DOCK3: variants seen among roughly 807,000 people sequenced by gnomAD.
The protein encoded by DOCK3 is dedicator of cytokinesis protein 3.
DOCK3 carries 60 observed loss-of-function variants against 265.6 expected under a neutral mutation model. The observed-to-expected ratio is 0.23, with a 90% CI of 0.18 to 0.28. DOCK3 has a LOEUF of 0.28. Among genes scored for constraint, DOCK3 ranks in the 10% least tolerant of loss-of-function variants. The probability of loss-of-function intolerance (pLI) is 1.00; values close to 1 mark genes in which losing one functional copy is unlikely to be tolerated. For synonymous variants in DOCK3, 881 were observed against 938.0 expected, an observed-to-expected ratio of 0.94 and a Z score of 1.11; for missense variants, 1,981 against 2,594.3, an observed-to-expected ratio of 0.76 and a Z score of 5.14.
At chr3:51,226,170 G>T (rs1327181620) in intron 15 of DOCK3, among the ~76,000 whole-genome samples, 1 of 152,192 alleles carries the variant, frequency 6.6e-6, no homozygotes, top group Non-Finnish European at 1.5e-5. Flanking sequence ...GTCAAGTGTG[G>T]AACTTAGACA....
At chr3:51,129,388 C>T (rs2084408776) in intron 9 of DOCK3, among the ~76,000 whole-genome samples, 1 of 152,198 alleles carries the variant, frequency 6.6e-6, no homozygotes, top group Non-Finnish European at 1.5e-5. Context: ...CCCCATGAGG[C>T]CATCAGTGCA....
At chr3:51,209,570 C>T (rs957731401) in intron 13 of DOCK3, among the ~76,000 whole-genome samples, 8 of 152,208 alleles carry the variant, frequency 5.3e-5, no homozygotes, top group Non-Finnish European at 8.8e-5. Flanking sequence ...CCAGGTTACT[C>T]CTGACAGTTT....
chr3:51,350,511 A>G, intron 40 of DOCK3, 119 bp downstream of exon 40: 1 of 1,097,600 alleles, frequency 9.1e-7, no homozygotes. Flanking sequence ...CAGAGGATAA[A>G]CCAGTTAACA....
chr3:51,075,578 GC>G, intron 7 of DOCK3, 138 bp downstream of exon 7: 1 of 655,338 alleles, frequency 1.5e-6, no homozygotes, highest in Non-Finnish European at 2.6e-6. Context: ...TGATATTCTG[GC>G]CATATCTGTC....
At chr3:50,962,347 G>A (rs907150068) in intron 5 of DOCK3, among the ~76,000 whole-genome samples, 11 of 152,124 alleles carry the variant, frequency 7.2e-5, no homozygotes, top group Non-Finnish European at 1.2e-4. Flanking sequence ...TATCTAAAGG[G>A]CTGTTATTTA....
At chr3:51,126,709 G>A (rs1359241202) in intron 9 of DOCK3, among the ~76,000 whole-genome samples, 1 of 152,130 alleles carries the variant, frequency 6.6e-6, no homozygotes, top group Non-Finnish European at 1.5e-5. Context: ...GAAAACAACT[G>A]TTTGTAGCTC....
intron 3 of DOCK3, among the ~76,000 whole-genome samples, chr3:50,884,049 T>C (rs560203817): frequency 2.6e-5 from 4 of 152,142 alleles, no homozygotes; most frequent in African/African-American, 9.7e-5. Flanking sequence ...GTACGTTCCT[T>C]TTTATGGCTG....
At chr3:50,749,739 G>A (rs988535681) in intron 1 of DOCK3, among the ~76,000 whole-genome samples, 3 of 152,108 alleles carry the variant, frequency 2.0e-5, no homozygotes, top group South Asian at 4.2e-4. Flanking sequence ...AGTTAATTTG[G>A]TATATTTACT....
At chr3:50,773,038 A>C (rs2041371230) in intron 1 of DOCK3, among the ~76,000 whole-genome samples, 4 of 152,202 alleles carry the variant, frequency 2.6e-5, no homozygotes, top group Admixed American at 2.6e-4. Context: ...TCTTCAAAAT[A>C]TACAATAAAG....
chr3:50,988,345 C>CA (rs1231551616), intron 5 of DOCK3, among the ~76,000 whole-genome samples: 3 of 152,198 alleles, frequency 2.0e-5, no homozygotes, highest in Non-Finnish European at 4.4e-5. Flanking sequence ...ACCACCCCCC[C>CA]ACAACCCCTG....
At chr3:51,092,914 G>A (rs945796247) in intron 9 of DOCK3, among the ~76,000 whole-genome samples, 4 of 152,118 alleles carry the variant, frequency 2.6e-5, no homozygotes, top group East Asian at 3.9e-4. Flanking sequence ...CAGTTTTCCC[G>A]ACACCATTTA....
At chr3:51,141,842 G>A (rs1314779846) in intron 9 of DOCK3, among the ~76,000 whole-genome samples, 1 of 152,040 alleles carries the variant, frequency 6.6e-6, no homozygotes, top group Non-Finnish European at 1.5e-5. Flanking sequence ...GAAGACAATT[G>A]TCTTGACTCT....
intron 5 of DOCK3, among the ~76,000 whole-genome samples, chr3:50,942,735 C>CA (rs2076328298): frequency 6.9e-6 from 1 of 145,552 alleles, no homozygotes; most frequent in Non-Finnish European, 1.6e-5. Flanking sequence ...AAAGGAGAAG[C>CA]AATTTTTTTT....
chr3:51,350,048 G>A (rs976922493), intron 39 of DOCK3, among the ~76,000 whole-genome samples: 7 of 152,194 alleles, frequency 4.6e-5, no homozygotes, highest in Admixed American at 3.3e-4. Flanking sequence ...GCAGCTGCAC[G>A]TGGCTGCAGT....
intron 5 of DOCK3, among the ~76,000 whole-genome samples, chr3:51,057,092 C>T (rs749250838): frequency 4.1e-4 from 63 of 152,332 alleles, no homozygotes; most frequent in Admixed American, 5.9e-4. Flanking sequence ...TGCTCATTTA[C>T]TGACTTAGAG....
chr3:51,221,879 C>T (rs896508920), intron 14 of DOCK3, among the ~76,000 whole-genome samples: 11 of 152,302 alleles, frequency 7.2e-5, no homozygotes, highest in African/African-American at 2.4e-4. Flanking sequence ...AAGACTCACC[C>T]TCTCAGCACA....
intron 5 of DOCK3, among the ~76,000 whole-genome samples, chr3:51,060,898 A>G (rs891806051): frequency 1.6e-4 from 25 of 152,208 alleles, no homozygotes; most frequent in Non-Finnish European, 3.2e-4. Context: ...ACAAGTGGGC[A>G]AAGGATATGA....
intron 4 of DOCK3, among the ~76,000 whole-genome samples, chr3:50,918,884 A>G (rs1244501475): frequency 6.6e-6 from 1 of 152,162 alleles, no homozygotes. Flanking sequence ...TAGGGTTTTT[A>G]TGGTTTTAGG....
intron 12 of DOCK3, among the ~76,000 whole-genome samples, chr3:51,206,686 C>T (rs1043643154): frequency 2.6e-5 from 4 of 152,076 alleles, no homozygotes; most frequent in Non-Finnish European, 5.9e-5. Flanking sequence ...ATGAGACTGC[C>T]TTAAATGACT....
Sources: allele counts gnomAD v4.1 joint callset (sites outside exome capture counted in the v4.1 genomes callset), GRCh38; gene constraint gnomAD v4.1.1; transcripts MANE v1.5; gene names NCBI Gene and HGNC (gene_info 2026-07-23, HGNC 2026-07-21).